The following CCDC88B variants were observed in gnomAD, a reference collection of about 807,000 sequenced individuals.
The protein encoded by CCDC88B is coiled-coil and HOOK domain protein 88B.
In CCDC88B, 138 loss-of-function variants were observed where a neutral mutation model predicts 183.7. The ratio of observed to expected loss-of-function variants is 0.75; its 90% CI spans 0.65 to 0.87. The LOEUF is 0.87. Among genes scored for constraint, CCDC88B ranks in the 40% least tolerant of loss-of-function variants. The pLI, the probability that CCDC88B is intolerant of heterozygous loss-of-function variation, is 0.00. For synonymous variants in CCDC88B, 835 were observed against 867.5 expected (o/e 0.96, Z 0.66); for missense variants, 1,822 against 1,965.6 (o/e 0.93, Z 1.38).
intron 24 of CCDC88B, 84 bp downstream of exon 24, chr11:64,354,254 C>A: frequency 8.4e-7 from 1 of 1,194,890 alleles, no homozygotes; most frequent in Non-Finnish European, 1.1e-6. Flanking sequence ...ACTGCCTGGC[C>A]TGCATGCGTG....
At chr11:64,355,681 T>G in intron 26 of CCDC88B, 53 bp downstream of exon 26, 8 of 1,438,354 alleles carry the variant, frequency 5.6e-6, no homozygotes, top group Non-Finnish European at 7.5e-6. Flanking sequence ...CTGGGGCCCC[T>G]GGCAGAACCT....
chr11:64,347,798 C>T (rs2036169602), intron 14 of CCDC88B, among the ~76,000 whole-genome samples: 1 of 152,106 alleles, frequency 6.6e-6, no homozygotes, highest in South Asian at 2.1e-4. Flanking sequence ...CACCTGTAAT[C>T]CCAGCACTTC....
intron 18 of CCDC88B, among the ~76,000 whole-genome samples, chr11:64,351,846 G>C (rs571379): frequency 0.97 from 147,079 of 152,180 alleles, 71,267 homozygotes; most frequent in Middle Eastern, 1. Context: ...GTCGCCCTGC[G>C]CTCTCACTGT....
intron 14 of CCDC88B, among the ~76,000 whole-genome samples, chr11:64,347,083 C>T (rs910917092): frequency 8.5e-5 from 13 of 152,200 alleles, no homozygotes; most frequent in Admixed American, 1.3e-4. Flanking sequence ...CGTGAGCCAC[C>T]GCACCTGGCC....
In CCDC88B at chr11:64,340,904, T is replaced by C. The variant is rs1178404619; in HGVS notation, c.207-3T>C. 1 of 1,546,498 alleles carries C rather than the reference T, an allele frequency of 6.5e-7. No homozygotes were observed. The highest frequency in any genetic ancestry group is 8.7e-7 in the Non-Finnish European group (1 of 1,146,500). ...GGTCCTCGAGCCCACCTCCGGCTCA[T>C]AGTGCCCCCAGCTCCCGAGGGGGAC... On this transcript the variant is annotated splice_polypyrimidine_tract_variant and splice_region_variant and intron_variant, in intron 2 of 26. Coordinates refer to ENST00000356786, the MANE Select transcript of CCDC88B (RefSeq NM_032251.6).
Position 64,342,660 on chromosome 11 carries a change from G to C in CCDC88B, c.1042G>C (p.Ala348Pro), listed in dbSNP as rs1000519783. The C allele has an allele frequency of 1.3e-6, 2 of 1,506,046 alleles. No individual in the cohort carries two copies. Among genetic ancestry groups the C allele is most frequent in the Non-Finnish European group, 1.8e-6 (2 of 1,133,916 alleles). The allele number at this position is 1,506,046 out of a possible 1,614,324, so 93.3% of individuals were successfully genotyped here. Reference sequence around the variant, plus strand: ...CCGCGAGCGGCTGCAGGCGGCTGAGGCCTACAAGAGTCAGCTGGAGGTGAG... The same window carrying C: ...CCGCGAGCGGCTGCAGGCGGCTGAGCCCTACAAGAGTCAGCTGGAGGTGAG... ...RCRERLQAAE[A>P]YKSQLEEERV... Residue 348 changes from alanine to proline, a missense_variant, in exon 10 of 27, where the codon GCC becomes CCC. Transcript: ENST00000356786.
chr11:64,341,556 G>A (rs758073998), intron 6 of CCDC88B, 43 bp from the exon 7 acceptor site: 6 of 1,610,410 alleles, frequency 3.7e-6, no homozygotes, highest in Non-Finnish European at 3.4e-6. Context: ...GGACGCCCTT[G>A]CCACACCGCG....
At chr11:64,342,876 T>G (rs11602301) in intron 10 of CCDC88B, 196 bp downstream of exon 10, 482,404 of 492,396 alleles carry the variant, frequency 0.98, 236,296 homozygotes, top group Non-Finnish European at 0.99. Flanking sequence ...TGTAGGGGAG[T>G]GGGGGGGCTG....
intron 13 of CCDC88B, 32 bp downstream of exon 13, chr11:64,343,946 C>T: frequency 6.4e-7 from 1 of 1,574,506 alleles, no homozygotes; most frequent in Non-Finnish European, 8.6e-7. Context: ...CCTGGCCGGC[C>T]CTTCCCCTAG....
In CCDC88B at chr11:64,352,349, C is replaced by G; in HGVS notation, c.3319C>G (p.Arg1107Gly). 6.5e-7 allele frequency: 1 copy of G among 1,544,850 alleles called. No homozygotes were observed. The highest frequency in any genetic ancestry group is 8.7e-7 in the Non-Finnish European group (1 of 1,146,254). Reference protein sequence around the residue: ...VRHRDLKANMRALELAHRELQ... With the variant: ...VRHRDLKANMGALELAHRELQ... ...GCACCGAGACCTCAAGGCCAACATG[C>G]GGGCACTGGAGCTGGCCCACCGGGA... The change falls in exon 19 of 27, where the codon CGG becomes GGG. Residue 1107 changes from arginine to glycine, a missense_variant. Physicochemically the swap from Arg to Gly is moderately radical, Grantham distance 125. Transcript: ENST00000356786.
In CCDC88B at chr11:64,349,629, C is replaced by A; in HGVS notation, c.2823C>A (p.Leu941=). The A allele has an allele frequency of 6.2e-7, 1 of 1,600,084 alleles. No homozygotes were observed. Among genetic ancestry groups the A allele is most frequent in the Non-Finnish European group, 8.5e-7 (1 of 1,174,516 alleles). The change falls in exon 16 of 27, where the codon CTC becomes CTA. Residue 941 remains leucine, a synonymous_variant. Coordinates refer to ENST00000356786, the MANE Select transcript of CCDC88B (RefSeq NM_032251.6). ...ATSKEEALME[L]KTRALQLEEE... is the part of the protein sequence containing the mutation. ...GCAAGGAGGAGGCGCTGATGGAGCT[C>A]AAGACCAGGGCCCTGCAGCTGGAAG...
chr11:64,342,298 G>T lies in CCDC88B; in HGVS notation c.826G>T (p.Glu276Ter). Residue 276 changes from glutamate (E) to a stop codon, truncating the protein, a stop_gained, in exon 9 of 27, where the codon GAG becomes TAG. Coordinates refer to ENST00000356786, the MANE Select transcript of CCDC88B (RefSeq NM_032251.6). LOFTEE classifies it high-confidence loss of function. ...QLRRLRQELE[E>*]KAELLLDSQA... ...CTAGACTCCCCTTCCCTCCAGGGAGGAGAAGGCCGAGCTGCTGCTAGACTC... is the reference window on the plus strand; with the variant it reads ...CTAGACTCCCCTTCCCTCCAGGGAGTAGAAGGCCGAGCTGCTGCTAGACTC... 1.3e-6 allele frequency: 2 copies of T among 1,588,224 alleles called. No homozygotes were observed. Among genetic ancestry groups the T allele is most frequent in the Non-Finnish European group, 1.7e-6 (2 of 1,167,984 alleles).
rs141719038 is a variant in CCDC88B, at chr11:64,352,322, C to T, written c.3292C>T (p.Arg1098Trp). The change falls in exon 19 of 27, where the codon CGG becomes TGG. Residue 1098 changes from arginine to tryptophan, a missense_variant. Physicochemically the swap from Arg to Trp is moderately radical, Grantham distance 101. Coordinates refer to ENST00000356786, the MANE Select transcript of CCDC88B (RefSeq NM_032251.6). ...QEAELEGLLV[R>W]HRDLKANMRA... ...GGCCGAGCTAGAGGGACTGCTGGTG[C>T]GGCACCGAGACCTCAAGGCCAACAT... is the stretch of plus-strand genomic sequence containing the variant. 459 of 1,550,048 alleles carry T rather than the reference C, an allele frequency of 3.0e-4. 4 individuals are homozygous for T. The East Asian group carries it at 0.011, about 36-fold the overall frequency.
chr11:64,340,506 T>C, intron 1 of CCDC88B, 101 bp from the exon 2 acceptor site: 1 of 1,507,334 alleles, frequency 6.6e-7, no homozygotes, highest in South Asian at 1.3e-5. Context: ...ACAGAGGCAC[T>C]CAGAGGACGG....
Position 64,349,457 on chromosome 11 carries a change from A to G in CCDC88B, c.2743A>G (p.Arg915Gly), listed in dbSNP as rs1591290792. The G allele has an allele frequency of 7.4e-7, 1 of 1,352,462 alleles. No homozygotes were observed. 83.8% of individuals were successfully genotyped at this position (1,352,462 alleles called of 1,614,324 possible). The change falls in exon 15 of 27, where the codon AGG becomes GGG. Residue 915 changes from arginine (R) to glycine (G), a missense_variant and splice_region_variant. Coordinates refer to ENST00000356786, the MANE Select transcript of CCDC88B (RefSeq NM_032251.6). ...FLREKESQHQ[R>G]YQGLEQRLEA... The stretch of plus-strand genomic sequence containing the variant: ...GCGAGAAAAGGAAAGCCAGCACCAG[A>G]GGTGGGGACAGGGCTGAGGGGAAGA...
At chr11:64,347,840 C>T (rs1043447965) in intron 14 of CCDC88B, among the ~76,000 whole-genome samples, 1 of 152,076 alleles carries the variant, frequency 6.6e-6, no homozygotes, top group African/African-American at 2.4e-5. Context: ...GACCGGAGGT[C>T]AGGAGTTCGA....
Position 64,344,889 on chromosome 11 carries a change from C to A in CCDC88B, c.2348C>A (p.Ala783Glu), listed in dbSNP as rs777273372. ...RRAEAEAHRE[A>E]EAQAWEQARL... Reference sequence around the variant, plus strand: ...GCAGAGGCCGAGGCCCACCGGGAGGCAGAGGCCCAGGCCTGGGAGCAAGCC... The same window carrying A: ...GCAGAGGCCGAGGCCCACCGGGAGGAAGAGGCCCAGGCCTGGGAGCAAGCC... Residue 783 changes from alanine to glutamate, a missense_variant, in exon 14 of 27, where the codon GCA becomes GAA. Ala to Glu is a moderately radical substitution (Grantham distance 107, BLOSUM62 -1). Coordinates refer to ENST00000356786, the MANE Select transcript of CCDC88B (RefSeq NM_032251.6). The surrounding 1 kb of genome is among the most constrained non-coding windows in gnomAD (Gnocchi z 4.5). 6 of 1,594,544 alleles carry A rather than the reference C, an allele frequency of 3.8e-6. No homozygotes were observed. In the African/African-American group the frequency reaches 8.1e-5, roughly 21 times the overall value.
Position 64,340,963 on chromosome 11 carries a change from C to T in CCDC88B, c.263C>T (p.Ala88Val), listed in dbSNP as rs1255374371. 6.2e-7 allele frequency: 1 copy of T among 1,601,892 alleles called. No individual in the cohort carries two copies. The highest frequency in any genetic ancestry group is 8.5e-7 in the Non-Finnish European group (1 of 1,173,238). ...RMLRGLDGPA[A>V]WRVWNLNHLW... is the part of the protein sequence containing the mutation. ...CTCAGAGGCCTTGACGGACCTGCTGCCTGGCGAGTGTGGAACCTGAACCAC... is the reference window on the plus strand; with the variant it reads ...CTCAGAGGCCTTGACGGACCTGCTGTCTGGCGAGTGTGGAACCTGAACCAC... The change falls in exon 3 of 27, where the codon GCC (alanine) becomes GTC (valine). Residue 88 changes from alanine (A) to valine (V), a missense_variant. Coordinates refer to ENST00000356786, the MANE Select transcript of CCDC88B (RefSeq NM_032251.6).
intron 2 of CCDC88B, 45 bp from the exon 3 acceptor site, chr11:64,340,862 C>T: frequency 6.5e-7 from 1 of 1,535,324 alleles, no homozygotes. Flanking sequence ...GTGGGCGAGG[C>T]CTGTTGACGG....
Sources: gnomAD v4.1 joint callset for allele counts (sites outside exome capture counted in the v4.1 genomes callset) on GRCh38, gnomAD v4.1.1 for gene constraint, Gnocchi (gnomAD v3.1) non-coding constraint, MANE v1.5 for transcripts, NCBI Gene and HGNC (gene_info 2026-07-23, HGNC 2026-07-21) for gene names.